Variants in RBFOX1 observed in about 807,000 individuals in gnomAD.
The protein encoded by RBFOX1 is RNA binding protein fox-1 homolog 1.
Under a neutral mutation model 57.7 loss-of-function variants are expected in RBFOX1, and 8 were observed. That is an observed-to-expected ratio of 0.14 (90% confidence interval 0.08 to 0.25). RBFOX1 has a LOEUF of 0.25. Among genes scored for constraint, RBFOX1 ranks in the 10% least tolerant of loss-of-function variants. The probability of loss-of-function intolerance (pLI) is 1.00; values close to 1 mark genes in which losing one functional copy is unlikely to be tolerated. For missense variants in RBFOX1, 611 were observed against 548.5 expected, an observed-to-expected ratio of 1.11 and a Z score of -1.14; for synonymous variants, 326 against 222.4, an observed-to-expected ratio of 1.47 and a Z score of -4.15.
At chr16:7,110,656 C>G (rs369362811) in intron 4 of RBFOX1, among the ~76,000 whole-genome samples, 81 of 152,220 alleles carry the variant, frequency 5.3e-4, no homozygotes, top group African/African-American at 1.9e-3. Context: ...GAAACCTAAA[C>G]CATATTCATT....
intron 2 of RBFOX1, among the ~76,000 whole-genome samples, chr16:6,346,418 G>T (rs1173504147): frequency 6.6e-6 from 1 of 152,178 alleles, no homozygotes; most frequent in Non-Finnish European, 1.5e-5. Context: ...TCTGTAACAG[G>T]TTGCTGAGTC....
intron 2 of RBFOX1, among the ~76,000 whole-genome samples, chr16:6,594,074 C>T (rs1029743000): frequency 1.3e-5 from 2 of 152,112 alleles, no homozygotes; most frequent in Non-Finnish European, 2.9e-5. Flanking sequence ...CACTTGAGTT[C>T]ATCTATATCC....
intron 1 of RBFOX1, among the ~76,000 whole-genome samples, chr16:5,438,265 G>T (rs2067976463): frequency 6.6e-6 from 1 of 152,224 alleles, no homozygotes; most frequent in Non-Finnish European, 1.5e-5. Flanking sequence ...CATCACCTAA[G>T]TTACCTCCAG....
At chr16:7,491,115 T>C (rs1160321495) in intron 4 of RBFOX1, among the ~76,000 whole-genome samples, 1 of 152,104 alleles carries the variant, frequency 6.6e-6, no homozygotes, top group Non-Finnish European at 1.5e-5. Context: ...TTAAATAAAG[T>C]CATCAGCCCT....
At chr16:7,480,676 G>A (rs900658588) in intron 4 of RBFOX1, among the ~76,000 whole-genome samples, 2 of 152,166 alleles carry the variant, frequency 1.3e-5, no homozygotes, top group Admixed American at 1.3e-4. Context: ...GCTGTGTATG[G>A]AGCTGGAAGC....
chr16:6,788,753 G>C (rs1208855098), intron 3 of RBFOX1, among the ~76,000 whole-genome samples: 1 of 151,932 alleles, frequency 6.6e-6, no homozygotes, highest in Non-Finnish European at 1.5e-5. Context: ...GGGATTACAG[G>C]TGTGAGCGAC....
At chr16:7,120,487 A>T (rs553526873) in intron 4 of RBFOX1, among the ~76,000 whole-genome samples, 24 of 152,148 alleles carry the variant, frequency 1.6e-4, no homozygotes, top group Admixed American at 3.9e-4. Context: ...TAAAAAGATT[A>T]TAAGGAAATA....
intron 4 of RBFOX1, among the ~76,000 whole-genome samples, chr16:5,906,441 G>C (rs753310627): frequency 2.0e-5 from 3 of 152,192 alleles, no homozygotes; most frequent in Non-Finnish European, 2.9e-5. Flanking sequence ...CTACGGAACA[G>C]ATCCTGCTTC....
chr16:6,069,617 CTTAG>C (rs2095810973), intron 1 of RBFOX1, among the ~76,000 whole-genome samples: 1 of 152,142 alleles, frequency 6.6e-6, no homozygotes. Flanking sequence ...CTTCCGCAAA[CTTAG>C]TTATTTTAGG....
intron 3 of RBFOX1, among the ~76,000 whole-genome samples, chr16:7,015,974 T>G (rs376205530): frequency 6.6e-6 from 1 of 152,184 alleles, no homozygotes; most frequent in South Asian, 2.1e-4. Context: ...TTTGGTGTGA[T>G]AGGCAACACC....
chr16:6,938,021 G>A (rs57547311), intron 3 of RBFOX1, among the ~76,000 whole-genome samples: 18,119 of 151,102 alleles, frequency 0.12, 1,216 homozygotes, highest in East Asian at 0.17. Context: ...TTTGGTTTAC[G>A]CAAGTCTGTA....
intron 1 of RBFOX1, among the ~76,000 whole-genome samples, chr16:6,225,844 A>G (rs2097413017): frequency 6.6e-6 from 1 of 152,238 alleles, no homozygotes; most frequent in South Asian, 2.1e-4. Context: ...CATCTTTACA[A>G]AAGTTGTTCT....
chr16:7,408,399 C>T (rs1439605613), intron 4 of RBFOX1, among the ~76,000 whole-genome samples: 1 of 151,876 alleles, frequency 6.6e-6, no homozygotes, highest in African/African-American at 2.4e-5. Context: ...GTAAACCATT[C>T]AAAACTGTCA....
intron 3 of RBFOX1, among the ~76,000 whole-genome samples, chr16:6,725,925 A>T (rs2067071329): frequency 6.6e-6 from 1 of 152,170 alleles, no homozygotes; most frequent in Non-Finnish European, 1.5e-5. Flanking sequence ...CCTGTATCTG[A>T]TGATAAACAC....
intron 1 of RBFOX1, among the ~76,000 whole-genome samples, chr16:6,218,107 G>C (rs1277214159): frequency 6.6e-6 from 1 of 152,098 alleles, no homozygotes; most frequent in Non-Finnish European, 1.5e-5. Flanking sequence ...TCCCTTTGGT[G>C]CTGTTAGAAT....
chr16:7,218,495 T>C (rs945114366), intron 4 of RBFOX1, among the ~76,000 whole-genome samples: 17 of 152,036 alleles, frequency 1.1e-4, no homozygotes, highest in African/African-American at 4.1e-4. Context: ...AGAGAGAAAA[T>C]AGCAAAACAG....
At chr16:6,966,659 G>A (rs2084237105) in intron 3 of RBFOX1, among the ~76,000 whole-genome samples, 1 of 152,122 alleles carries the variant, frequency 6.6e-6, no homozygotes, top group Non-Finnish European at 1.5e-5. Flanking sequence ...TTGCTGTTAG[G>A]CATGAGATAG....
chr16:6,649,701 A>G (rs1245974392), intron 2 of RBFOX1, among the ~76,000 whole-genome samples: 4 of 152,096 alleles, frequency 2.6e-5, no homozygotes, highest in Non-Finnish European at 5.9e-5. Context: ...TATTTCATTC[A>G]TTTTTATGGC....
intron 4 of RBFOX1, among the ~76,000 whole-genome samples, chr16:6,004,396 T>A (rs1425896214): frequency 1.3e-5 from 2 of 152,144 alleles, no homozygotes; most frequent in Non-Finnish European, 2.9e-5. Flanking sequence ...TTTACATAGT[T>A]AATATTTGTA....
Sources: allele counts gnomAD v4.1 joint callset (sites outside exome capture counted in the v4.1 genomes callset), GRCh38; gene constraint gnomAD v4.1.1; transcripts MANE v1.5; gene names NCBI Gene and HGNC (gene_info 2026-07-23, HGNC 2026-07-21).